Variants in BRINP1 observed in about 807,000 individuals in gnomAD.
The protein encoded by BRINP1 is BMP/retinoic acid inducible neural specific 1, also known as BMP/retinoic acid-inducible neural-specific protein 1.
Under a neutral mutation model 72.9 loss-of-function variants are expected in BRINP1, and 17 were observed. The observed-to-expected ratio is 0.23, with a 90% CI of 0.16 to 0.35. The LOEUF is 0.35. Among genes scored for constraint, BRINP1 ranks in the 10% least tolerant of loss-of-function variants. The pLI is 1.00. For missense variants in BRINP1, 850 were observed against 1,001.6 expected (o/e 0.85, Z 2.04); for synonymous variants, 418 against 378.5 (o/e 1.10, Z -1.21).
chr9:119,238,448 C>G (rs967192192), intron 5 of BRINP1, among the ~76,000 whole-genome samples: 1 of 152,188 alleles, frequency 6.6e-6, no homozygotes, highest in African/African-American at 2.4e-5. Flanking sequence ...CATGAATTTA[C>G]TGTCCTGCAT....
intron 1 of BRINP1, among the ~76,000 whole-genome samples, chr9:119,361,963 C>T (rs1464736556): frequency 1.3e-5 from 2 of 151,816 alleles, no homozygotes; most frequent in Non-Finnish European, 2.9e-5. Context: ...GCCACCATGC[C>T]CAGCTATTTT....
At chr9:119,222,489 C>A (rs1830050087) in intron 5 of BRINP1, among the ~76,000 whole-genome samples, 1 of 151,982 alleles carries the variant, frequency 6.6e-6, no homozygotes, top group Non-Finnish European at 1.5e-5. Flanking sequence ...ACTAGATGAC[C>A]ATCAAGATTT....
intron 7 of BRINP1, among the ~76,000 whole-genome samples, chr9:119,170,792 A>G (rs1829397977): frequency 7.2e-6 from 1 of 139,788 alleles, no homozygotes; most frequent in South Asian, 2.3e-4. Context: ...CTCGGCAGAA[A>G]CCCTACAAGC....
intron 5 of BRINP1, among the ~76,000 whole-genome samples, chr9:119,230,077 G>A (rs550929576): frequency 2.0e-5 from 3 of 148,434 alleles, no homozygotes; most frequent in Non-Finnish European, 3.1e-5. Flanking sequence ...TTACCTGAGA[G>A]AGATGAAAAG....
chr9:119,225,751 G>A (rs925052247), intron 5 of BRINP1, among the ~76,000 whole-genome samples: 1 of 151,734 alleles, frequency 6.6e-6, no homozygotes, highest in Non-Finnish European at 1.5e-5. Flanking sequence ...AACTGCTTAG[G>A]GGGTATAGAG....
At position 119,218,652 on chromosome 9, in the gene BRINP1, G is replaced by C. The variant is rs183197523; in HGVS notation, c.686-4497C>G. On this transcript the variant is annotated intron_variant, in intron 5 of 7. Transcript: ENST00000265922. Reference sequence around the variant, plus strand: ...AATCTAGGAATTCAACTTGAGTTCTGACACACTCGAGGGTGACCTGGCTTA... The same window carrying C: ...AATCTAGGAATTCAACTTGAGTTCTCACACACTCGAGGGTGACCTGGCTTA... Among the ~76,000 whole-genome samples, 1,082 of 151,754 alleles carry C rather than the reference G, an allele frequency of 7.1e-3. 5 individuals are homozygous for C. The highest frequency in any genetic ancestry group is 0.011 in the South Asian group (51 of 4,796).
chr9:119,272,947 G>T (rs554577614), intron 2 of BRINP1, among the ~76,000 whole-genome samples: 90 of 152,276 alleles, frequency 5.9e-4, no homozygotes, highest in Middle Eastern at 3.4e-3. Context: ...CTGGGAGAAA[G>T]TACACATAGA....
intron 2 of BRINP1, among the ~76,000 whole-genome samples, chr9:119,277,932 C>T (rs940602391): frequency 6.6e-6 from 1 of 152,160 alleles, no homozygotes; most frequent in Admixed American, 6.5e-5. Context: ...GCTTAGAAAA[C>T]TTTCCAGTAG....
chr9:119,218,451 G>A (rs1314989814), intron 5 of BRINP1, among the ~76,000 whole-genome samples: 1 of 151,850 alleles, frequency 6.6e-6, no homozygotes, highest in Non-Finnish European at 1.5e-5. Context: ...ACAGTCAAAG[G>A]AACTTTGAAC....
intron 7 of BRINP1, among the ~76,000 whole-genome samples, chr9:119,176,849 T>C (rs1259553561): frequency 2.0e-5 from 3 of 152,202 alleles, no homozygotes; most frequent in Non-Finnish European, 4.4e-5. Context: ...CCCAGCATGC[T>C]TTGCTTTCGA....
chr9:119,265,060 C>T (rs1047262910), intron 2 of BRINP1, among the ~76,000 whole-genome samples: 3 of 152,174 alleles, frequency 2.0e-5, no homozygotes, highest in African/African-American at 7.2e-5. Flanking sequence ...TGTACAAACA[C>T]ACTCTAACTT....
In BRINP1 at chr9:119,218,025, A is replaced by C. The variant is rs186374441; in HGVS notation, c.686-3870T>G. 6.6e-5 allele frequency among the ~76,000 whole-genome samples: 10 copies of C among 152,026 alleles called. No homozygotes were observed. In the East Asian group the frequency reaches 1.9e-3, roughly 30 times the overall value. ...CATCTTCAATTTTTTTCATAGGATT[A>C]ATTCCTGGCTGAAATTATCTTTTGA... On this transcript the variant is annotated intron_variant, in intron 5 of 7. Coordinates refer to ENST00000265922, the MANE Select transcript of BRINP1 (RefSeq NM_014618.3).
At chr9:119,232,654 C>G (rs991243586) in intron 5 of BRINP1, among the ~76,000 whole-genome samples, 29 of 152,160 alleles carry the variant, frequency 1.9e-4, no homozygotes, top group African/African-American at 5.8e-4. Flanking sequence ...CCTGACCATA[C>G]AGTTGGTGCT....
chr9:119,319,854 C>T (rs76769268), intron 1 of BRINP1, among the ~76,000 whole-genome samples: 5,831 of 152,258 alleles, frequency 0.038, 165 homozygotes, highest in Non-Finnish European at 0.055. Flanking sequence ...TTCCAGCATT[C>T]CCCAGCCTCA....
At chr9:119,355,276 T>C (rs988190554) in intron 1 of BRINP1, among the ~76,000 whole-genome samples, 1 of 152,200 alleles carries the variant, frequency 6.6e-6, no homozygotes, top group Non-Finnish European at 1.5e-5. Context: ...TTTTTAAAAT[T>C]GGTAATTCAC....
Position 119,182,472 on chromosome 9 carries a change from T to G in BRINP1, c.1146-14248A>C, listed in dbSNP as rs992372473. Among the ~76,000 whole-genome samples, 14 of 152,298 alleles carry G rather than the reference T, an allele frequency of 9.2e-5. No individual in the cohort carries two copies. In the East Asian group the frequency reaches 2.5e-3, roughly 27 times the overall value. On this transcript the variant is annotated intron_variant, in intron 7 of 7. Transcript: ENST00000265922. ...AAAGCTTGTATACCCCTCCCCCAAATTTGTATGTTGAAATTTCAATTTCCA... is the reference window on the plus strand; with the variant it reads ...AAAGCTTGTATACCCCTCCCCCAAAGTTGTATGTTGAAATTTCAATTTCCA...
At chr9:119,358,650 C>T (rs1831596857) in intron 1 of BRINP1, among the ~76,000 whole-genome samples, 1 of 152,102 alleles carries the variant, frequency 6.6e-6, no homozygotes, top group African/African-American at 2.4e-5. Flanking sequence ...GCTGGGATCA[C>T]ACCACTGCAC....
rs747033005 is a variant in BRINP1, at chr9:119,238,674, C to T, written c.666G>A (p.Glu222=). 5 of 1,610,520 alleles carry T rather than the reference C, an allele frequency of 3.1e-6. No homozygotes were observed. The highest frequency in any genetic ancestry group is 2.2e-5 in the East Asian group (1 of 44,506). Residue 222 remains glutamate, a synonymous_variant, in exon 5 of 8, where the codon GAG becomes GAA. Coordinates refer to ENST00000265922, the MANE Select transcript of BRINP1 (RefSeq NM_014618.3). ...TCCTACCTTGAAGGTGCAGTTTGCT[C>T]TCCGTGCTTTGCAGAAGGACGGAAC... The part of the protein sequence containing the change: ...SVSSVLLQST[E]SKLHLQGLQI...
At chr9:119,229,734 G>C (rs904173032) in intron 5 of BRINP1, among the ~76,000 whole-genome samples, 2 of 152,126 alleles carry the variant, frequency 1.3e-5, no homozygotes, top group African/African-American at 2.4e-5. Flanking sequence ...CATACAGTAG[G>C]CCCTCAGGAA....
Sources: gnomAD v4.1 joint callset for allele counts (sites outside exome capture counted in the v4.1 genomes callset) on GRCh38, gnomAD v4.1.1 for gene constraint, MANE v1.5 for transcripts, NCBI Gene and HGNC (gene_info 2026-07-23, HGNC 2026-07-21) for gene names.